Variants in EYS observed in about 807,000 individuals in gnomAD.
EYS encodes EGF-like photoreceptor maintenance factor, also known as protein eyes shut homolog.
EYS carries 250 observed loss-of-function variants against 282.1 expected under a neutral mutation model. The observed-to-expected ratio is 0.89, with a 90% confidence interval of 0.80 to 0.98. EYS has a LOEUF of 0.98. Ranked by LOEUF, EYS falls within the 50% of genes least tolerant of loss-of-function variation. The pLI, the probability that EYS is intolerant of heterozygous loss-of-function variation, is 0.00. For synonymous variants in EYS, 1,355 were observed against 1,282.9 expected, an observed-to-expected ratio of 1.06 and a Z score of -1.20; for missense variants, 4,016 against 3,709.0, an observed-to-expected ratio of 1.08 and a Z score of -2.15.
intron 33 of EYS, among the ~76,000 whole-genome samples, chr6:64,020,150 G>A (rs888224470): frequency 1.6e-4 from 25 of 152,070 alleles, no homozygotes; most frequent in African/African-American, 6.0e-4. Flanking sequence ...TTGTTTGATA[G>A]CAGAGTAGGG....
At chr6:65,192,513 C>A (rs946684272) in intron 12 of EYS, among the ~76,000 whole-genome samples, 4 of 151,706 alleles carry the variant, frequency 2.6e-5, no homozygotes, top group Non-Finnish European at 2.9e-5. Flanking sequence ...CTAAACATAT[C>A]TTTATCAGAA....
intron 29 of EYS, among the ~76,000 whole-genome samples, chr6:64,357,573 T>C (rs1244437891): frequency 6.6e-6 from 1 of 151,588 alleles, no homozygotes; most frequent in African/African-American, 2.4e-5. Flanking sequence ...GGGATGTGTG[T>C]GAACGAAATT....
At chr6:63,801,062 A>G (rs1770772065) in intron 37 of EYS, among the ~76,000 whole-genome samples, 1 of 152,168 alleles carries the variant, frequency 6.6e-6, no homozygotes, top group Admixed American at 6.5e-5. Flanking sequence ...GTGTCTTTGT[A>G]TATTATGCAG....
intron 5 of EYS, among the ~76,000 whole-genome samples, chr6:65,472,286 T>C (rs1341343377): frequency 6.6e-6 from 1 of 152,106 alleles, no homozygotes; most frequent in African/African-American, 2.4e-5. Flanking sequence ...ATAACCATCA[T>C]GGAAGAATAT....
chr6:65,427,949 T>C (rs1309812800), intron 5 of EYS, among the ~76,000 whole-genome samples: 2 of 151,900 alleles, frequency 1.3e-5, no homozygotes, highest in Non-Finnish European at 2.9e-5. Context: ...CATTCTATGG[T>C]ATGAAAGTAC....
chr6:64,410,520 T>C (rs1445671049), intron 28 of EYS, among the ~76,000 whole-genome samples: 1 of 152,154 alleles, frequency 6.6e-6, no homozygotes, highest in Non-Finnish European at 1.5e-5. Context: ...AAGACAATCT[T>C]AGTTGGATTT....
chr6:63,944,617 T>G (rs1765340542), intron 35 of EYS, among the ~76,000 whole-genome samples: 1 of 152,078 alleles, frequency 6.6e-6, no homozygotes, highest in Admixed American at 6.6e-5. Context: ...TTTTTCAAGA[T>G]TACAATAATG....
At chr6:64,049,224 A>G (rs1770727618) in intron 33 of EYS, among the ~76,000 whole-genome samples, 1 of 152,214 alleles carries the variant, frequency 6.6e-6, no homozygotes, top group Non-Finnish European at 1.5e-5. Flanking sequence ...GTAAACAGTC[A>G]TGTATCTACC....
At chr6:63,760,162 A>C (rs574301822) in intron 41 of EYS, among the ~76,000 whole-genome samples, 1 of 152,074 alleles carries the variant, frequency 6.6e-6, no homozygotes, top group Admixed American at 6.6e-5. Flanking sequence ...ATGGAATCTA[A>C]CTTGCTATAT....
intron 5 of EYS, among the ~76,000 whole-genome samples, chr6:65,435,282 C>G (rs16896661): frequency 6.6e-6 from 1 of 151,676 alleles, no homozygotes; most frequent in African/African-American, 2.4e-5. Flanking sequence ...GATGATAAAG[C>G]CTTTATGAGA....
intron 19 of EYS, among the ~76,000 whole-genome samples, chr6:64,871,473 C>T (rs1394247730): frequency 4.0e-5 from 6 of 151,796 alleles, no homozygotes. Flanking sequence ...TTCTTTTAGG[C>T]CTGAAATTAA....
Position 64,966,379 on chromosome 6 carries a change from G to C in EYS, c.2260-20465C>G, listed in dbSNP as rs772757560. Among the ~76,000 whole-genome samples, 69 of 152,076 alleles carry C rather than the reference G, an allele frequency of 4.5e-4. 1 individual carries two copies. The highest frequency in any genetic ancestry group is 2.5e-4 in the Non-Finnish European group (17 of 68,012). ...AAATGTTTAAGCTTGTTAATGATTT[G>C]GCAGTCCTGATGGTTTAATTTAAGG... On this transcript the variant is annotated intron_variant, in intron 14 of 42. Coordinates refer to ENST00000503581, the MANE Select transcript of EYS (RefSeq NM_001142800.2).
In EYS at chr6:65,438,099, A is replaced by G. The variant is rs541681257; in HGVS notation, c.863-32732T>C. ...TCAATTCCCACCTACGAGTGAGAACATGTAGTGTTTGGTTTTTTGTCTTTG... is the reference window on the plus strand; with the variant it reads ...TCAATTCCCACCTACGAGTGAGAACGTGTAGTGTTTGGTTTTTTGTCTTTG... On this transcript the variant is annotated intron_variant, in intron 5 of 42. Transcript: ENST00000503581. Among the ~76,000 whole-genome samples the G allele has an allele frequency of 9.1e-4, 135 of 148,238 alleles. 5 individuals are homozygous for G. The South Asian group carries it at 0.024, about 26-fold the overall frequency.
intron 13 of EYS, among the ~76,000 whole-genome samples, chr6:65,012,847 A>G (rs1430927358): frequency 7.4e-6 from 1 of 135,788 alleles, no homozygotes; most frequent in African/African-American, 2.7e-5. Context: ...CTACTTCACA[A>G]GAACATAAAA....
chr6:65,340,502 C>T (rs1770158654), intron 10 of EYS, among the ~76,000 whole-genome samples: 1 of 151,100 alleles, frequency 6.6e-6, no homozygotes, highest in Non-Finnish European at 1.5e-5. Flanking sequence ...GAAATACTTG[C>T]TTCTGGAACA....
chr6:64,739,676 C>T (rs191153764), intron 22 of EYS, among the ~76,000 whole-genome samples: 247 of 152,146 alleles, frequency 1.6e-3, no homozygotes, highest in Middle Eastern at 6.8e-3. Flanking sequence ...GAATAAAAAC[C>T]TTGATTGCTT....
intron 23 of EYS, among the ~76,000 whole-genome samples, chr6:64,625,473 T>TTA (rs1767575863): frequency 6.6e-6 from 1 of 152,200 alleles, no homozygotes; most frequent in Non-Finnish European, 1.5e-5. Flanking sequence ...TGCTTCTTGG[T>TTA]TCTTAGATGT....
At chr6:64,119,621 T>C (rs183248825) in intron 31 of EYS, among the ~76,000 whole-genome samples, 4 of 152,334 alleles carry the variant, frequency 2.6e-5, no homozygotes, top group African/African-American at 9.6e-5. Context: ...CAGTAATGGG[T>C]AATTTTAAAA....
chr6:64,854,824 T>C (rs1431406237), intron 19 of EYS, among the ~76,000 whole-genome samples: 2 of 152,036 alleles, frequency 1.3e-5, no homozygotes, highest in Non-Finnish European at 2.9e-5. Flanking sequence ...AAGATACAGG[T>C]TTCTGTTGGG....
Sources: allele counts gnomAD v4.1 joint callset (sites outside exome capture counted in the v4.1 genomes callset), GRCh38; gene constraint gnomAD v4.1.1; transcripts MANE v1.5; gene names NCBI Gene and HGNC (gene_info 2026-07-23, HGNC 2026-07-21).